The following GRM3 variants were observed in gnomAD, a reference collection of about 807,000 sequenced individuals.
The protein encoded by GRM3 is glutamate metabotropic receptor 3, also known as metabotropic glutamate receptor 3.
Under a neutral mutation model 70.5 loss-of-function variants are expected in GRM3, and 26 were observed. The ratio of observed to expected loss-of-function variants is 0.37; its 90% CI spans 0.27 to 0.51. The LOEUF is 0.51. GRM3 is among the 20% of genes least tolerant of loss of function. GRM3 has a pLI of 0.93. For missense variants in GRM3, 859 were observed against 1,123.8 expected (o/e 0.76, Z 3.37); for synonymous variants, 443 against 434.9 (o/e 1.02, Z -0.23).
chr7:86,826,652 G>T (rs1223975785), intron 3 of GRM3, among the ~76,000 whole-genome samples: 1 of 152,264 alleles, frequency 6.6e-6, no homozygotes, highest in African/African-American at 2.4e-5. Context: ...ATCAGGCATA[G>T]ATATTTTCCA....
chr7:86,781,213 C>CTAGGGATCTT (rs1797049642), intron 2 of GRM3, among the ~76,000 whole-genome samples: 1 of 151,900 alleles, frequency 6.6e-6, no homozygotes, highest in African/African-American at 2.4e-5. Context: ...ACTGAAAATA[C>CTAGGGATCTT]TAGGGATCTT....
intron 5 of GRM3, among the ~76,000 whole-genome samples, chr7:86,858,112 A>G (rs549369582): frequency 6.6e-6 from 1 of 151,988 alleles, no homozygotes; most frequent in South Asian, 2.1e-4. Context: ...ACCCGCCACC[A>G]CGCACGGCTA....
At chr7:86,652,216 C>T (rs556216395) in intron 1 of GRM3, among the ~76,000 whole-genome samples, 1 of 100,492 alleles carries the variant, frequency 1.0e-5, no homozygotes, top group Admixed American at 1.2e-4. Context: ...TGTTAGAGTG[C>T]TCACCCTCTA....
chr7:86,734,684 C>T (rs1795814714), intron 1 of GRM3, among the ~76,000 whole-genome samples: 1 of 152,150 alleles, frequency 6.6e-6, no homozygotes. Flanking sequence ...GACAGATGTA[C>T]TTCTATCCCC....
At chr7:86,808,173 C>T (rs914304858) in intron 3 of GRM3, among the ~76,000 whole-genome samples, 6 of 151,998 alleles carry the variant, frequency 3.9e-5, no homozygotes, top group Non-Finnish European at 8.8e-5. Context: ...ATTTTCGCAT[C>T]GATGTTCATC....
chr7:86,736,904 T>TC (rs1160777783), intron 1 of GRM3, among the ~76,000 whole-genome samples: 3 of 152,136 alleles, frequency 2.0e-5, no homozygotes, highest in African/African-American at 7.2e-5. Context: ...GATGTGTGTT[T>TC]CCTTAAAATT....
At position 86,644,586 on chromosome 7, in the gene GRM3, C is replaced by T. The variant is rs1793406628; in HGVS notation, c.-427C>T. On this transcript the variant is annotated 5_prime_UTR_variant, in exon 1 of 6. Transcript: ENST00000361669. Reference sequence around the variant, plus strand: ...TACTCCACCCCTCCGTTTTCCCACTCCCCACTGACTCGGATGCCTGGATGT... The same window carrying T: ...TACTCCACCCCTCCGTTTTCCCACTTCCCACTGACTCGGATGCCTGGATGT... 2.4e-6 allele frequency: 1 copy of T among 413,162 alleles called. No individual in the cohort carries two copies. The allele number at this position is 413,162 out of a possible 1,614,324, so 25.6% of individuals were successfully genotyped here. A position where few individuals can be genotyped will look rare whatever the true frequency, so the allele number is the denominator to read the frequency against.
At chr7:86,813,210 A>T (rs1797947793) in intron 3 of GRM3, among the ~76,000 whole-genome samples, 1 of 151,798 alleles carries the variant, frequency 6.6e-6, no homozygotes, top group East Asian at 1.9e-4. Context: ...AATTAACTAG[A>T]TAAAAGGTTC....
At chr7:86,734,950 T>TA (rs1170441668) in intron 1 of GRM3, among the ~76,000 whole-genome samples, 1 of 152,238 alleles carries the variant, frequency 6.6e-6, no homozygotes, top group African/African-American at 2.4e-5. Flanking sequence ...TTCTCAAATT[T>TA]AAAATGTGTG....
At chr7:86,819,227 T>C (rs1012938235) in intron 3 of GRM3, among the ~76,000 whole-genome samples, 7 of 152,136 alleles carry the variant, frequency 4.6e-5, no homozygotes, top group African/African-American at 1.7e-4. Context: ...TCTTTGTGTG[T>C]GTGTGGTAAG....
At chr7:86,670,044 A>G (rs1794131876) in intron 1 of GRM3, among the ~76,000 whole-genome samples, 1 of 152,120 alleles carries the variant, frequency 6.6e-6, no homozygotes, top group Non-Finnish European at 1.5e-5. Flanking sequence ...GCATCTTCTA[A>G]AGCACCCTCA....
chr7:86,669,579 A>G (rs1794119837), intron 1 of GRM3, among the ~76,000 whole-genome samples: 1 of 152,168 alleles, frequency 6.6e-6, no homozygotes, highest in Admixed American at 6.6e-5. Context: ...TTCATTGTAG[A>G]AGTATTATTT....
chr7:86,759,933 C>T (rs958821721), intron 1 of GRM3, among the ~76,000 whole-genome samples: 13 of 152,138 alleles, frequency 8.5e-5, no homozygotes, highest in African/African-American at 3.1e-4. Flanking sequence ...GTTTACCCAG[C>T]TGAAAATGGC....
chr7:86,669,526 C>A (rs1794118135), intron 1 of GRM3, among the ~76,000 whole-genome samples: 1 of 152,192 alleles, frequency 6.6e-6, no homozygotes, highest in Non-Finnish European at 1.5e-5. Context: ...TTTCCTATAT[C>A]TCACAAGTAG....
chr7:86,686,195 G>A (rs949215599), intron 1 of GRM3, among the ~76,000 whole-genome samples: 1 of 152,116 alleles, frequency 6.6e-6, no homozygotes, highest in Non-Finnish European at 1.5e-5. Context: ...GATCCTAAAG[G>A]AAGACATATG....
At chr7:86,691,111 CCATT>C (rs1469689682) in intron 1 of GRM3, among the ~76,000 whole-genome samples, 1 of 152,132 alleles carries the variant, frequency 6.6e-6, no homozygotes, top group Non-Finnish European at 1.5e-5. Context: ...CACTCCCTAG[CCATT>C]CAATCTTACA....
rs182548800 is a variant in GRM3 at position 86,725,886 on chromosome 7, A to T, written c.-140-39120A>T. ...GGGAAGGAGGAAGAAGAGGAAGGGG[A>T]GAAGGAGGGATCTGGTTTCTTTCTC... On this transcript the variant is annotated intron_variant, in intron 1 of 5. Transcript: ENST00000361669. 1.2e-3 allele frequency among the ~76,000 whole-genome samples: 178 copies of T among 152,212 alleles called. 1 individual carries two copies. Among genetic ancestry groups the T allele is most frequent in the African/African-American group, 4.0e-3 (165 of 41,532 alleles).
At chr7:86,772,004 G>A (rs1204687232) in intron 2 of GRM3, among the ~76,000 whole-genome samples, 1 of 152,014 alleles carries the variant, frequency 6.6e-6, no homozygotes, top group Non-Finnish European at 1.5e-5. Context: ...CTATCCCTGT[G>A]AGAACCCTTT....
chr7:86,780,395 T>C (rs1797016735), intron 2 of GRM3, among the ~76,000 whole-genome samples: 1 of 152,174 alleles, frequency 6.6e-6, no homozygotes, highest in African/African-American at 2.4e-5. Context: ...CATAATCATA[T>C]CTGGCCAAGT....
Sources: gnomAD v4.1 joint callset for allele counts (sites outside exome capture counted in the v4.1 genomes callset) on GRCh38, gnomAD v4.1.1 for gene constraint, MANE v1.5 for transcripts, NCBI Gene and HGNC (gene_info 2026-07-23, HGNC 2026-07-21) for gene names.